The following ITPRID2 variants were observed in gnomAD, a reference collection of about 807,000 sequenced individuals.
ITPRID2 encodes the protein protein ITPRID2.
ITPRID2 carries 60 observed loss-of-function variants against 124.3 expected under a neutral mutation model. That is an observed-to-expected ratio of 0.48 (90% CI 0.39 to 0.60). ITPRID2 has a LOEUF of 0.60. ITPRID2 is among the 20% of genes least tolerant of loss of function. ITPRID2 has a pLI of 0.00. For missense variants in ITPRID2, 1,553 were observed against 1,512.2 expected, an observed-to-expected ratio of 1.03 and a Z score of -0.45; for synonymous variants, 521 against 542.9, an observed-to-expected ratio of 0.96 and a Z score of 0.56.
rs1193497089 is a variant in ITPRID2, at chr2:181,909,881, C to T, written c.1414-18C>T. The T allele has an allele frequency of 1.1e-5, 17 of 1,604,356 alleles. No homozygotes were observed. Among genetic ancestry groups the T allele is most frequent in the Non-Finnish European group, 1.4e-5 (16 of 1,171,870 alleles). On this transcript the variant is annotated intron_variant, in intron 8 of 17. Transcript: ENST00000431877. ...CCTTAGATTCATTTGGTTTTAACTACTTAAAACTCTTCTTAAGGTTCAAAG... is the reference window on the plus strand; with the variant it reads ...CCTTAGATTCATTTGGTTTTAACTATTTAAAACTCTTCTTAAGGTTCAAAG...
Position 181,900,758 on chromosome 2 carries a change from T to TA in ITPRID2, c.566_567insA (p.Phe189LeufsTer4). ...GAAGAAATTCTTTATAATCTTGGATTTGGACGTGATGAACCAGATATTGCT... is the reference window on the plus strand; with the variant it reads ...GAAGAAATTCTTTATAATCTTGGATTATGGACGTGATGAACCAGATATTGCT... On this transcript the variant is annotated frameshift_variant, in exon 7 of 18. Transcript: ENST00000431877. LOFTEE classifies it high-confidence loss of function. 6.2e-7 allele frequency: 1 copy of TA among 1,613,286 alleles called. No individual in the cohort carries two copies. Among genetic ancestry groups the TA allele is most frequent in the Non-Finnish European group, 8.5e-7 (1 of 1,179,644 alleles).
At chr2:181,929,392 T>G (rs905198014) in intron 17 of ITPRID2, among the ~76,000 whole-genome samples, 169 bp from the exon 18 acceptor site, 5 of 152,160 alleles carry the variant, frequency 3.3e-5, no homozygotes, top group Admixed American at 6.5e-5. Flanking sequence ...ATTATTTTTT[T>G]TAAAGCCAGG....
intron 4 of ITPRID2, among the ~76,000 whole-genome samples, 164 bp downstream of exon 4, chr2:181,897,128 A>T (rs1692266175): frequency 6.6e-6 from 1 of 152,006 alleles, no homozygotes; most frequent in African/African-American, 2.4e-5. Flanking sequence ...ATCTAGTCAT[A>T]GTCTGTAGGA....
intron 8 of ITPRID2, among the ~76,000 whole-genome samples, chr2:181,908,148 C>T (rs1306243205): frequency 2.0e-5 from 3 of 152,078 alleles, no homozygotes; most frequent in Non-Finnish European, 2.9e-5. Flanking sequence ...GCAGGTGGAT[C>T]GCTTGAGCCC....
intron 11 of ITPRID2, chr2:181,918,232 G>T: frequency 1.1e-6 from 1 of 889,748 alleles, no homozygotes; most frequent in South Asian, 5.1e-5. Flanking sequence ...ATGATTGCTT[G>T]CTCTCCAGCA....
In ITPRID2 at chr2:181,919,835, A is replaced by G. The variant is rs933486257; in HGVS notation, c.3144+389A>G. ...TTTTTCTTTCATGCCTTTAAATAAA[A>G]AAGTGTTCCTTTTAAACTTTTTCTT... On this transcript the variant is annotated intron_variant, in intron 14 of 17. Transcript: ENST00000431877. This position sits in a 1 kb window ranked among gnomAD's most constrained non-coding sequence, Gnocchi z 4.2. 2.6e-5 allele frequency among the ~76,000 whole-genome samples: 4 copies of G among 152,118 alleles called. No homozygotes were observed. Among genetic ancestry groups the G allele is most frequent in the Non-Finnish European group, 4.4e-5 (3 of 68,002 alleles).
chr2:181,924,602 C>A (rs907801549), intron 16 of ITPRID2, among the ~76,000 whole-genome samples: 4 of 152,174 alleles, frequency 2.6e-5, no homozygotes, highest in Non-Finnish European at 5.9e-5. Context: ...AGTTTTCTTA[C>A]TGCGTTCATG....
At chr2:181,918,182 T>A in intron 11 of ITPRID2, 5 of 366,382 alleles carry the variant, frequency 1.4e-5, no homozygotes, top group Non-Finnish European at 1.5e-5. Context: ...CCTAAAATAG[T>A]GGCATATAGG....
Position 181,901,848 on chromosome 2 carries a change from G to A in ITPRID2, c.795G>A (p.Leu265=). Residue 265 remains leucine, a synonymous_variant, in exon 8 of 18, where the codon CTG becomes CTA. Coordinates refer to ENST00000431877, the MANE Select transcript of ITPRID2 (RefSeq NM_001130445.3). ...SLYSQVSGTP[L]QRIGSMSSVT... Reference sequence around the variant, plus strand: ...ATTCTCAAGTCTCCGGGACGCCCCTGCAGAGAATTGGAAGTATGTCCTCAG... The same window carrying A: ...ATTCTCAAGTCTCCGGGACGCCCCTACAGAGAATTGGAAGTATGTCCTCAG... 1 of 1,613,886 alleles carries A rather than the reference G, an allele frequency of 6.2e-7. No homozygotes were observed. Among genetic ancestry groups the A allele is most frequent in the African/African-American group, 1.3e-5 (1 of 75,022 alleles).
chr2:181,920,281 T>A (rs1694386196), intron 14 of ITPRID2, among the ~76,000 whole-genome samples: 1 of 152,216 alleles, frequency 6.6e-6, no homozygotes, highest in Non-Finnish European at 1.5e-5. Context: ...GGATGTTCTG[T>A]ATTGCTAATG....
At position 181,905,484 on chromosome 2, in the gene ITPRID2, A is replaced by G. The variant is rs1693039663; in HGVS notation, c.1413+3018A>G. 1.3e-5 allele frequency among the ~76,000 whole-genome samples: 2 copies of G among 152,154 alleles called. No homozygotes were observed. The highest frequency in any genetic ancestry group is 1.3e-4 in the Admixed American group (2 of 15,270). The stretch of plus-strand genomic sequence containing the variant: ...TCATGGTAACTCTCTGAAGCCATAG[A>G]TTAGTAGTGTGAATGATTCACAAGT... On this transcript the variant is annotated intron_variant, in intron 8 of 17. Coordinates refer to ENST00000431877, the MANE Select transcript of ITPRID2 (RefSeq NM_001130445.3). This position sits in a 1 kb window ranked among gnomAD's most constrained non-coding sequence, Gnocchi z 4.1.
Position 181,892,228 on chromosome 2 carries a change from C to T in ITPRID2, c.162C>T (p.Asp54=). The change falls in exon 1 of 18, where the codon GAC becomes GAT. Residue 54 remains aspartate, a synonymous_variant. Coordinates refer to ENST00000431877, the MANE Select transcript of ITPRID2 (RefSeq NM_001130445.3). This position sits in a 1 kb window ranked among gnomAD's most constrained non-coding sequence, Gnocchi z 5.2. ...CGACGACGCAGGACGAGGAGGAGGACGAGGAGGAGGACCTCCCCGGCGCGC... is the reference window on the plus strand; with the variant it reads ...CGACGACGCAGGACGAGGAGGAGGATGAGGAGGAGGACCTCCCCGGCGCGC... ...TEATTQDEEE[D]EEEDLPGAQL... is the part of the protein sequence containing the mutation. 1 of 1,551,192 alleles carries T rather than the reference C, an allele frequency of 6.4e-7. No homozygotes were observed. The highest frequency in any genetic ancestry group is 1.7e-4 in the Middle Eastern group (1 of 5,804).
chr2:181,924,321 C>A lies in ITPRID2; in HGVS notation c.3675+1909C>A, dbSNP rs191748248. 4.1e-4 allele frequency among the ~76,000 whole-genome samples: 63 copies of A among 152,222 alleles called. 1 individual carries two copies. In the South Asian group the frequency reaches 8.5e-3, roughly 21 times the overall value. ...ATATTCTCTTAGTTACAATAGTTTT[C>A]TGTTTATAAAGTATTTAAAATTTAG... On this transcript the variant is annotated intron_variant, in intron 16 of 17. Coordinates refer to ENST00000431877, the MANE Select transcript of ITPRID2 (RefSeq NM_001130445.3).
intron 11 of ITPRID2, chr2:181,918,218 G>C: frequency 1.3e-6 from 1 of 787,276 alleles, no homozygotes; most frequent in Non-Finnish European, 1.5e-6. Flanking sequence ...TGAGAAAGAC[G>C]ACAATGATTG....
rs1438946811 is a variant in ITPRID2 at position 181,898,635 on chromosome 2, C to T, written c.365-245C>T. ...CCTATACGTTTTTTTATTTTAAGCA[C>T]TCAAGTGAGAGTAGTTAGTTTCATG... is the stretch of plus-strand genomic sequence containing the variant. On this transcript the variant is annotated intron_variant, in intron 4 of 17. Transcript: ENST00000431877. Among the ~76,000 whole-genome samples the T allele has an allele frequency of 3.9e-5, 6 of 151,966 alleles. No individual in the cohort carries two copies. In the East Asian group the frequency reaches 1.2e-3, roughly 29 times the overall value.
At chr2:181,928,783 G>T (rs1402335632) in intron 17 of ITPRID2, among the ~76,000 whole-genome samples, 1 of 152,066 alleles carries the variant, frequency 6.6e-6, no homozygotes, top group African/African-American at 2.4e-5. Context: ...CAGCCACTAC[G>T]CCCGGCTAAT....
chr2:181,919,544 T>TA lies in ITPRID2; in HGVS notation c.3144+100dup. The TA allele has an allele frequency of 7.4e-7, 1 of 1,358,888 alleles. No individual in the cohort carries two copies. Among genetic ancestry groups the TA allele is most frequent in the Non-Finnish European group, 9.8e-7 (1 of 1,023,458 alleles). The allele number at this position is 1,358,888 out of a possible 1,614,324, so 84.2% of individuals were successfully genotyped here. A position where few individuals can be genotyped will look rare whatever the true frequency, so the allele number is the denominator to read the frequency against. ...TGCCTTCATTTCAAGTCATTTATTT[T>TA]AATGGTATTAAAAGCATGCATACTG... On this transcript the variant is annotated intron_variant, in intron 14 of 17. Transcript: ENST00000431877. This position sits in a 1 kb window ranked among gnomAD's most constrained non-coding sequence, Gnocchi z 4.2.
Position 181,910,557 on chromosome 2 carries a change from T to C in ITPRID2, c.1486+586T>C. The C allele has an allele frequency of 1.5e-6, 1 of 678,868 alleles. No individual in the cohort carries two copies. The highest frequency in any genetic ancestry group is 2.7e-6 in the Non-Finnish European group (1 of 372,282). 42.1% of individuals were successfully genotyped at this position (678,868 alleles called of 1,614,324 possible). ...CAACAACAACAACAACAAAAATGTG[T>C]GATCTTTGGATTTACAAAACTTTTG... is the stretch of plus-strand genomic sequence containing the variant. On this transcript the variant is annotated intron_variant, in intron 9 of 17. Transcript: ENST00000431877. The surrounding 1 kb of genome is among the most constrained non-coding windows in gnomAD (Gnocchi z 4.1).
Position 181,892,035 on chromosome 2 carries a change from C to T in ITPRID2, c.-32C>T. 6.5e-7 allele frequency: 1 copy of T among 1,544,770 alleles called. No homozygotes were observed. Among genetic ancestry groups the T allele is most frequent in the Non-Finnish European group, 8.7e-7 (1 of 1,144,794 alleles). ...GCCGCCGCCTTGTCTCGCGCAGGGTCCGGCTGGGGTAGCGGAGCCCCCAGT... is the reference window on the plus strand; with the variant it reads ...GCCGCCGCCTTGTCTCGCGCAGGGTTCGGCTGGGGTAGCGGAGCCCCCAGT... On this transcript the variant is annotated 5_prime_UTR_variant, in exon 1 of 18. Transcript: ENST00000431877. This position sits in a 1 kb window ranked among gnomAD's most constrained non-coding sequence, Gnocchi z 5.2.
Sources: allele counts gnomAD v4.1 joint callset (sites outside exome capture counted in the v4.1 genomes callset), GRCh38; gene constraint gnomAD v4.1.1; non-coding constraint Gnocchi (gnomAD v3.1); transcripts MANE v1.5; gene names NCBI Gene and HGNC (gene_info 2026-07-23, HGNC 2026-07-21).